EXOSC7: variants seen among roughly 807,000 people sequenced by gnomAD.
EXOSC7 encodes the protein exosome complex component RRP42.
Under a neutral mutation model 34.3 loss-of-function variants are expected in EXOSC7, and 25 were observed. The observed-to-expected ratio is 0.73, with a 90% CI of 0.53 to 1.02. EXOSC7 has a LOEUF of 1.02. Among genes scored for constraint, EXOSC7 ranks in the 50% least tolerant of loss-of-function variants. The pLI is 0.00. For missense variants in EXOSC7, 370 were observed against 368.5 expected, an observed-to-expected ratio of 1.00 and a Z score of -0.03; for synonymous variants, 130 against 143.0, an observed-to-expected ratio of 0.91 and a Z score of 0.65.
intron 1 of EXOSC7, among the ~76,000 whole-genome samples, chr3:44,983,681 T>C (rs1706332986): frequency 6.6e-6 from 1 of 152,204 alleles, no homozygotes; most frequent in African/African-American, 2.4e-5. Flanking sequence ...GCTGTTGACA[T>C]CTCTTGAGTT....
chr3:44,991,021 A>G (rs1343055955), intron 3 of EXOSC7, among the ~76,000 whole-genome samples: 4 of 152,232 alleles, frequency 2.6e-5, no homozygotes, highest in Non-Finnish European at 4.4e-5. Context: ...GTACTCGTAT[A>G]AGAGAAATGA....
At chr3:44,977,888 A>G (rs1351213572) in intron 1 of EXOSC7, among the ~76,000 whole-genome samples, 1 of 152,228 alleles carries the variant, frequency 6.6e-6, no homozygotes, top group Non-Finnish European at 1.5e-5. Context: ...TGTAACCTCA[A>G]GGTTAGAGCT....
intron 2 of EXOSC7, 57 bp downstream of exon 2, chr3:44,989,298 A>G: frequency 7.7e-7 from 1 of 1,302,650 alleles, no homozygotes; most frequent in East Asian, 2.3e-5. Flanking sequence ...GCCCTAAGGA[A>G]TGAGCTGCTG....
intron 6 of EXOSC7, among the ~76,000 whole-genome samples, chr3:45,006,311 C>T (rs551036135): frequency 1.7e-4 from 25 of 150,928 alleles, no homozygotes; most frequent in Admixed American, 3.3e-4. Context: ...CTCCTGACCT[C>T]GGGTGATCTG....
chr3:45,007,431 G>T lies in EXOSC7; in HGVS notation c.627G>T (p.Arg209=), dbSNP rs761885537. 1.4e-5 allele frequency: 22 copies of T among 1,614,004 alleles called. No individual in the cohort carries two copies. The highest frequency in any genetic ancestry group is 1.9e-5 in the Non-Finnish European group (22 of 1,180,016). ...CIVTLCKIGY[R]HVVDATLQEE... is the part of the protein sequence containing the mutation. ...CCCTGCCTTTGCAGATTGGCTATCG[G>T]CATGTGGTGGATGCTACTCTTCAGG... The change falls in exon 7 of 8, where the codon CGG becomes CGT. Residue 209 remains arginine (R), a synonymous_variant. Coordinates refer to ENST00000265564, the MANE Select transcript of EXOSC7 (RefSeq NM_015004.4).
rs561294281 is a variant in EXOSC7 at position 45,007,567 on chromosome 3, A to T, written c.763A>T (p.Met255Leu). The change falls in exon 7 of 8, where the codon ATG (methionine) becomes TTG (leucine). Residue 255 changes from methionine (M) to leucine (L), a missense_variant. Coordinates refer to ENST00000265564, the MANE Select transcript of EXOSC7 (RefSeq NM_015004.4). ...GSLDPESIFEMMETGKRVGKV... is the reference protein window; with the variant it reads ...GSLDPESIFELMETGKRVGKV... ...CCTGGACCCAGAGAGCATCTTCGAG[A>T]TGATGGAGGTGAGGCCTTAGTTCTG... 7.5e-6 allele frequency: 12 copies of T among 1,607,430 alleles called. No homozygotes were observed. In the South Asian group the frequency reaches 1.3e-4, roughly 18 times the overall value.
chr3:44,977,406 A>G, intron 1 of EXOSC7: 1 of 152,244 alleles, frequency 6.6e-6, no homozygotes, highest in Non-Finnish European at 1.5e-5. Context: ...GCTATCATTG[A>G]AGTCCCACAA....
intron 1 of EXOSC7, among the ~76,000 whole-genome samples, chr3:44,988,267 G>A (rs146702703): frequency 6.6e-6 from 1 of 152,326 alleles, no homozygotes; most frequent in East Asian, 1.9e-4. Context: ...GAAGCCCCCA[G>A]TGGCCAAATT....
chr3:44,989,969 T>G (rs1008302557), intron 3 of EXOSC7, among the ~76,000 whole-genome samples: 2 of 152,166 alleles, frequency 1.3e-5, no homozygotes, highest in African/African-American at 2.4e-5. Context: ...ATATACACAG[T>G]AAGGATCATT....
chr3:44,988,559 C>T (rs933735230), intron 1 of EXOSC7, among the ~76,000 whole-genome samples: 5 of 152,146 alleles, frequency 3.3e-5, no homozygotes, highest in South Asian at 4.1e-4. Flanking sequence ...ATAGACATTA[C>T]CTAAACAAGT....
Position 44,985,732 on chromosome 3 carries a change from G to A in EXOSC7, c.58-3408G>A, listed in dbSNP as rs147285489. ...CCACAGTGTGGAAGGGGACCCAAGCGGGTTGCCACTGCTGGCTCTGGCAGC... is the reference window on the plus strand; with the variant it reads ...CCACAGTGTGGAAGGGGACCCAAGCAGGTTGCCACTGCTGGCTCTGGCAGC... On this transcript the variant is annotated intron_variant, in intron 1 of 7. Transcript: ENST00000265564. 3.7e-3 allele frequency among the ~76,000 whole-genome samples: 556 copies of A among 152,274 alleles called. 1 individual carries two copies. Among genetic ancestry groups the A allele is most frequent in the South Asian group, 0.024 (117 of 4,820 alleles).
chr3:44,986,241 G>A (rs1364327826), intron 1 of EXOSC7, among the ~76,000 whole-genome samples: 4 of 152,206 alleles, frequency 2.6e-5, no homozygotes, highest in East Asian at 3.9e-4. Context: ...GGAGGCTCCC[G>A]CATGGCAGGC....
chr3:44,977,697 G>T (rs1706133414), intron 1 of EXOSC7, among the ~76,000 whole-genome samples: 1 of 152,194 alleles, frequency 6.6e-6, no homozygotes, highest in African/African-American at 2.4e-5. Flanking sequence ...CTTTGTTCAG[G>T]TGATTTTTAT....
intron 4 of EXOSC7, among the ~76,000 whole-genome samples, chr3:44,998,521 T>C (rs372327717): frequency 6.6e-6 from 1 of 152,236 alleles, no homozygotes; most frequent in Non-Finnish European, 1.5e-5. Flanking sequence ...AAATAGATTC[T>C]TTAATGAATG....
chr3:45,001,654 G>A, intron 5 of EXOSC7, 46 bp downstream of exon 5: 1 of 1,358,016 alleles, frequency 7.4e-7, no homozygotes, highest in Non-Finnish European at 1.1e-6. Flanking sequence ...GAGAACCAGA[G>A]CAGACACTTG....
At chr3:44,988,736 C>T (rs1430341934) in intron 1 of EXOSC7, among the ~76,000 whole-genome samples, 1 of 152,166 alleles carries the variant, frequency 6.6e-6, no homozygotes, top group East Asian at 1.9e-4. Context: ...GATGATTGTA[C>T]TCTGTAGCTC....
intron 1 of EXOSC7, among the ~76,000 whole-genome samples, chr3:44,980,543 G>C (rs1436987688): frequency 2.0e-5 from 3 of 152,212 alleles, no homozygotes; most frequent in African/African-American, 7.2e-5. Flanking sequence ...AGACCTGTCT[G>C]ATTGCAAAGC....
chr3:44,989,973 G>C (rs1237290083), intron 3 of EXOSC7, among the ~76,000 whole-genome samples: 1 of 152,218 alleles, frequency 6.6e-6, no homozygotes, highest in Admixed American at 6.5e-5. Flanking sequence ...ACACAGTAAG[G>C]ATCATTTGGT....
At chr3:44,986,557 C>T (rs938104228) in intron 1 of EXOSC7, among the ~76,000 whole-genome samples, 26 of 152,358 alleles carry the variant, frequency 1.7e-4, no homozygotes, top group Middle Eastern at 3.4e-3. Flanking sequence ...AGTGCAGCGG[C>T]GGGCTGAAGG....
Sources: gnomAD v4.1 joint callset for allele counts (sites outside exome capture counted in the v4.1 genomes callset) on GRCh38, gnomAD v4.1.1 for gene constraint, MANE v1.5 for transcripts, NCBI Gene and HGNC (gene_info 2026-07-23, HGNC 2026-07-21) for gene names.